RNASEH2B: variants seen among roughly 807,000 people sequenced by gnomAD.
RNASEH2B encodes Aicardi-Goutieres syndrome 2 protein.
In RNASEH2B, 36 loss-of-function variants were observed where a neutral mutation model predicts 45.0. The observed-to-expected ratio is 0.80, with a 90% CI of 0.61 to 1.06. RNASEH2B has a LOEUF of 1.06. Among genes scored for constraint, RNASEH2B ranks in the 50% least tolerant of loss-of-function variants. The pLI, the probability that RNASEH2B is intolerant of heterozygous loss-of-function variation, is 0.00. For missense variants in RNASEH2B, 361 were observed against 360.3 expected (o/e 1.00, Z -0.02); for synonymous variants, 119 against 125.7 (o/e 0.95, Z 0.35).
At chr13:50,949,663 A>G (rs1319468561) in intron 9 of RNASEH2B, among the ~76,000 whole-genome samples, 158 bp downstream of exon 9, 2 of 152,174 alleles carry the variant, frequency 1.3e-5, no homozygotes, top group Non-Finnish European at 2.9e-5. Flanking sequence ...GCTCTCCATC[A>G]CTATTTTTTA....
In RNASEH2B at chr13:50,948,008, A is replaced by G. The variant is rs200648780; in HGVS notation, c.638A>G (p.His213Arg). Residue 213 changes from histidine (H) to arginine (R), a missense_variant, in exon 8 of 11, where the codon CAT (histidine) becomes CGT (arginine). Coordinates refer to ENST00000336617, the MANE Select transcript of RNASEH2B (RefSeq NM_024570.4). ...TCAGAGGATTATATTCGTTATGCCC[A>G]TGGTCTGATATCTGACTACATCCCT... Reference protein sequence around the residue: ...DKEEDYIRYAHGLISDYIPKE... With the variant: ...DKEEDYIRYARGLISDYIPKE... 6.2e-7 allele frequency: 1 copy of G among 1,610,694 alleles called. No homozygotes were observed. Among genetic ancestry groups the G allele is most frequent in the Admixed American group, 1.7e-5 (1 of 59,942 alleles).
intron 9 of RNASEH2B, chr13:50,969,880 G>A: frequency 6.5e-7 from 1 of 1,529,400 alleles, no homozygotes. Context: ...GGGGTTTCAG[G>A]TGACTGTTTC....
downstream of RNASEH2B, chr13:50,959,890 C>A (rs1379075327): frequency 7.4e-6 from 2 of 269,598 alleles, no homozygotes; most frequent in African/African-American, 4.4e-5. Context: ...ATTATTTTGT[C>A]AAGTTCTAAG....
rs60335654 is a variant in RNASEH2B, at chr13:50,931,955, TACACACACAC to T, written c.321+1215_321+1224del. Among the ~76,000 whole-genome samples, 601 of 149,030 alleles carry T rather than the reference TACACACACAC, an allele frequency of 4.0e-3. 8 individuals carry two copies. The highest frequency in any genetic ancestry group is 0.017 in the East Asian group (87 of 5,086). ...TTCCAAATGTTGACACATCTCATTT[TACACACACAC>T]ACACACACACACACACACTCCCTTT... On this transcript the variant is annotated intron_variant, in intron 4 of 10. Transcript: ENST00000336617.
chr13:50,922,333 T>C (rs1804645475), intron 1 of RNASEH2B, among the ~76,000 whole-genome samples: 1 of 152,186 alleles, frequency 6.6e-6, no homozygotes. Flanking sequence ...TACACACATA[T>C]GCAGGGCTAT....
intron 2 of RNASEH2B, among the ~76,000 whole-genome samples, chr13:50,928,688 A>C (rs1951634152): frequency 1.3e-5 from 2 of 151,890 alleles, no homozygotes; most frequent in Non-Finnish European, 2.9e-5. Context: ...TCTTTTTTTT[A>C]ATTCTTATAA....
At chr13:50,931,088 C>G (rs1593459589) in intron 4 of RNASEH2B, among the ~76,000 whole-genome samples, 1 of 152,238 alleles carries the variant, frequency 6.6e-6, no homozygotes, top group East Asian at 1.9e-4. Flanking sequence ...ACTTGAAATA[C>G]AAAACAGGTA....
intron 4 of RNASEH2B, 51 bp downstream of exon 4, chr13:50,930,810 T>G: frequency 5.1e-6 from 7 of 1,379,144 alleles, no homozygotes; most frequent in Non-Finnish European, 7.2e-6. Flanking sequence ...ATCAACTATT[T>G]TTGTTTGATC....
At chr13:50,961,458 A>G (rs990549492), downstream of RNASEH2B, among the ~76,000 whole-genome samples, 1 of 152,086 alleles carries the variant, frequency 6.6e-6, no homozygotes, top group African/African-American at 2.4e-5. Context: ...TTTAATGCTC[A>G]TGTTGTTTCA....
In RNASEH2B at chr13:50,930,707, C is replaced by T. The variant is rs770203126; in HGVS notation, c.269C>T (p.Pro90Leu). Residue 90 changes from proline to leucine, a missense_variant, in exon 4 of 11, where the codon CCT becomes CTT. Pro to Leu is a moderately conservative substitution (Grantham distance 98, BLOSUM62 -3). Transcript: ENST00000336617. ...GGAGGTCTTCTCCATTTTGCCACAC[C>T]TGTGGATCCTCTATTTCTGCTTCTC... ...QSGGLLHFAT[P>L]VDPLFLLLHY... The T allele has an allele frequency of 2.4e-5, 39 of 1,613,714 alleles. No individual in the cohort carries two copies. The East Asian group carries it at 7.6e-4, about 31-fold the overall frequency.
At chr13:50,946,499 G>A (rs1951902296) in intron 7 of RNASEH2B, among the ~76,000 whole-genome samples, 1 of 152,224 alleles carries the variant, frequency 6.6e-6, no homozygotes, top group South Asian at 2.1e-4. Context: ...TCTTTAATTG[G>A]CTTTAACAAT....
chr13:50,944,583 A>G (rs539821490), intron 6 of RNASEH2B, among the ~76,000 whole-genome samples: 1 of 152,322 alleles, frequency 6.6e-6, no homozygotes, highest in South Asian at 2.1e-4. Flanking sequence ...ACAAACCTGC[A>G]TGTTCTGCAC....
At chr13:50,960,177 GT>G, downstream of RNASEH2B, 1 of 1,113,572 alleles carries the variant, frequency 9.0e-7, no homozygotes, top group Non-Finnish European at 1.1e-6. Flanking sequence ...TTGTGGTAAA[GT>G]TTTATATTTT....
chr13:50,921,303 A>G (rs1388820368), intron 1 of RNASEH2B: 1 of 152,226 alleles, frequency 6.6e-6, no homozygotes, highest in Non-Finnish European at 1.5e-5. Context: ...CTATGCTGAC[A>G]TCATTGAAGA....
chr13:50,939,397 A>G (rs9535535), intron 5 of RNASEH2B, among the ~76,000 whole-genome samples: 44,682 of 151,214 alleles, frequency 0.3, 6,886 homozygotes, highest in East Asian at 0.45. Flanking sequence ...GTATGTGCCT[A>G]TAGTTCCAAC....
At chr13:50,947,386 AGTGTGTGTGTGTGTGTGTGTGTGT>A (rs34501133) in intron 7 of RNASEH2B, among the ~76,000 whole-genome samples, 1 of 145,888 alleles carries the variant, frequency 6.9e-6, no homozygotes, top group South Asian at 2.2e-4. Context: ...TTAGTTTGGG[AGTGTGTGTGTGTGTGTGTGTGTGT>A]GTGTGTGTGT....
At chr13:50,957,299 C>T (rs1432624084), downstream of RNASEH2B, among the ~76,000 whole-genome samples, 1 of 151,954 alleles carries the variant, frequency 6.6e-6, no homozygotes, top group Admixed American at 6.6e-5. Context: ...ATCTTTAAGT[C>T]CATTTGTACC....
chr13:50,927,548 T>G (rs1033380747), intron 2 of RNASEH2B, 70 bp downstream of exon 2: 1 of 966,722 alleles, frequency 1.0e-6, no homozygotes, highest in South Asian at 1.3e-5. Context: ...CTTTTATGTC[T>G]TTGTGTCCTT....
chr13:50,941,725 G>T (rs1951835305), intron 5 of RNASEH2B: 1 of 152,212 alleles, frequency 6.6e-6, no homozygotes, highest in Admixed American at 6.5e-5. Context: ...CGGTCTCATT[G>T]GCTTTGGCTT....
Sources: allele counts gnomAD v4.1 joint callset (sites outside exome capture counted in the v4.1 genomes callset), GRCh38; gene constraint gnomAD v4.1.1; transcripts MANE v1.5; gene names NCBI Gene and HGNC (gene_info 2026-07-23, HGNC 2026-07-21).